The following UNC13A variants were observed in gnomAD, a reference collection of about 807,000 sequenced individuals.
UNC13A encodes unc-13 homolog A, also known as protein unc-13 homolog A.
Under a neutral mutation model 219.7 loss-of-function variants are expected in UNC13A, and 61 were observed. The ratio of observed to expected loss-of-function variants is 0.28; its 90% CI spans 0.23 to 0.34. The LOEUF (loss-of-function observed/expected upper bound fraction) is 0.34. Among genes scored for constraint, UNC13A ranks in the 10% least tolerant of loss-of-function variants. The pLI, the probability that UNC13A is intolerant of heterozygous loss-of-function variation, is 1.00. For missense variants in UNC13A, 1,476 were observed against 2,270.3 expected, an observed-to-expected ratio of 0.65 and a Z score of 7.11; for synonymous variants, 920 against 884.6, an observed-to-expected ratio of 1.04 and a Z score of -0.71.
intron 1 of UNC13A, among the ~76,000 whole-genome samples, chr19:17,679,922 C>A (rs1358751024): frequency 6.6e-6 from 1 of 152,068 alleles, no homozygotes; most frequent in African/African-American, 2.4e-5. Context: ...AGTGGGGGAC[C>A]GGCTGGAGGG....
At chr19:17,687,309 C>G (rs759934437) in intron 1 of UNC13A, among the ~76,000 whole-genome samples, 4 of 152,116 alleles carry the variant, frequency 2.6e-5, no homozygotes, top group Admixed American at 6.5e-5. Context: ...GCTCCCCCCC[C>G]ACCTCACGTC....
intron 38 of UNC13A, among the ~76,000 whole-genome samples, chr19:17,620,040 G>A (rs1423093): frequency 0.2 from 29,691 of 152,196 alleles, 3,330 homozygotes; most frequent in Non-Finnish European, 0.26. Flanking sequence ...CAATGCTAAG[G>A]GAGACGGGGT....
chr19:17,643,827 C>A (rs545250312), intron 19 of UNC13A, among the ~76,000 whole-genome samples: 58 of 152,238 alleles, frequency 3.8e-4, no homozygotes, highest in African/African-American at 1.4e-3. Flanking sequence ...CCAGTCTGAG[C>A]TCCCAGGCCC....
chr19:17,668,416 T>C (rs1185044686), intron 5 of UNC13A, among the ~76,000 whole-genome samples: 1 of 152,150 alleles, frequency 6.6e-6, no homozygotes. Context: ...GGAGAATAGT[T>C]GGAGGATGAC....
chr19:17,616,598 TGA>T, intron 41 of UNC13A: 2 of 498,306 alleles, frequency 4.0e-6, no homozygotes, highest in Non-Finnish European at 7.2e-6. Flanking sequence ...GGACGGCGAG[TGA>T]GAGGGAGGAA....
At chr19:17,628,988 G>A (rs1188417840) in intron 31 of UNC13A, among the ~76,000 whole-genome samples, 1 of 151,890 alleles carries the variant, frequency 6.6e-6, no homozygotes, top group African/African-American at 2.4e-5. Context: ...CACACGCAGA[G>A]TATACCAGTC....
chr19:17,634,839 C>T (rs1355307353), intron 26 of UNC13A, among the ~76,000 whole-genome samples: 1 of 152,010 alleles, frequency 6.6e-6, no homozygotes, highest in Non-Finnish European at 1.5e-5. Context: ...GGATTACAGA[C>T]GTGTACCACC....
In UNC13A at chr19:17,652,628, T is replaced by C. The variant is rs749518134; in HGVS notation, c.1439+3A>G. The C allele has an allele frequency of 1.2e-6, 2 of 1,613,770 alleles. No homozygotes were observed. Among genetic ancestry groups the C allele is most frequent in the Non-Finnish European group, 8.5e-7 (1 of 1,179,818 alleles). On this transcript the variant is annotated splice_donor_region_variant and intron_variant, in intron 12 of 43. Transcript: ENST00000519716. ...TCCCACCGCTCACAGTTTCATTACTTACCCGCCTTTGAACCATAGGGATTT... is the reference window on the plus strand; with the variant it reads ...TCCCACCGCTCACAGTTTCATTACTCACCCGCCTTTGAACCATAGGGATTT...
At position 17,646,115 on chromosome 19, in the gene UNC13A, G is replaced by A. The variant is rs368233582; in HGVS notation, c.2045-4C>T. The A allele has an allele frequency of 2.0e-5, 33 of 1,613,502 alleles. No homozygotes were observed. The highest frequency in any genetic ancestry group is 1.7e-4 in the Middle Eastern group (1 of 5,880). On this transcript the variant is annotated splice_region_variant and splice_polypyrimidine_tract_variant and intron_variant, in intron 17 of 43. Coordinates refer to ENST00000519716, the MANE Select transcript of UNC13A (RefSeq NM_001080421.3). The stretch of plus-strand genomic sequence containing the variant: ...TGCAAGCCCTGGGCGCAGACCACTG[G>A]AAGACACAGAGGGCATACACAGGTG...
intron 11 of UNC13A, 61 bp downstream of exon 11, chr19:17,655,213 G>C (rs2079426825): frequency 1.5e-6 from 2 of 1,370,752 alleles, no homozygotes; most frequent in African/African-American, 1.4e-5. Context: ...ACATGTGTGG[G>C]CCTGCCATTG....
At position 17,603,962 on chromosome 19, in the gene UNC13A, C is replaced by G. The variant is rs760081818; in HGVS notation, c.*2092G>C. The G allele has an allele frequency of 1.3e-5, 2 of 152,196 alleles. No homozygotes were observed. The highest frequency in any genetic ancestry group is 2.4e-5 in the African/African-American group (1 of 41,414). 9.4% of individuals were successfully genotyped at this position (152,196 alleles called of 1,614,324 possible). A position where few individuals can be genotyped will look rare whatever the true frequency, so the allele number is the denominator to read the frequency against. On this transcript the variant is annotated 3_prime_UTR_variant, in exon 44 of 44. Coordinates refer to ENST00000519716, the MANE Select transcript of UNC13A (RefSeq NM_001080421.3). ...GAGTAGCTGGGACTACAGGCATGCA[C>G]CACTGCACCCAGCTAATTTTTGTAT...
chr19:17,620,582 G>A, intron 38 of UNC13A, 111 bp downstream of exon 38: 3 of 1,010,958 alleles, frequency 3.0e-6, no homozygotes, highest in Non-Finnish European at 4.3e-6. Context: ...CAACAGACAG[G>A]TTCACAGTAC....
At chr19:17,607,263 ATTTATT>A (rs1013980465) in intron 43 of UNC13A, among the ~76,000 whole-genome samples, 1 of 151,470 alleles carries the variant, frequency 6.6e-6, no homozygotes, top group African/African-American at 2.4e-5. Context: ...ATTTATTTTT[ATTTATT>A]TTTATTTTTT....
In UNC13A at chr19:17,656,176, G is replaced by T. The variant is rs1338163914; in HGVS notation, c.990C>A (p.Asp330Glu). 1 of 1,552,172 alleles carries T rather than the reference G, an allele frequency of 6.4e-7. No individual in the cohort carries two copies. Among genetic ancestry groups the T allele is most frequent in the Non-Finnish European group, 8.7e-7 (1 of 1,147,082 alleles). ...CAGGCAGCTCCTCCTCCTCCAGGAA[G>T]TCCTCCAGGTCCTCCTCCAGCTCTT... Reference protein sequence around the residue: ...DEEELEEDLEDFLEEEELPED... With the variant: ...DEEELEEDLEEFLEEEELPED... The change falls in exon 10 of 44, where the codon GAC becomes GAA. Residue 330 changes from aspartate to glutamate, a missense_variant. Physicochemically the swap from Asp to Glu is conservative, Grantham distance 45. Coordinates refer to ENST00000519716, the MANE Select transcript of UNC13A (RefSeq NM_001080421.3).
chr19:17,630,504 T>C (rs1470849991), intron 29 of UNC13A, 150 bp downstream of exon 29: 5 of 1,128,890 alleles, frequency 4.4e-6, no homozygotes, highest in Middle Eastern at 2.1e-4. Flanking sequence ...CATTTTGTAG[T>C]TGATGAATGA....
At chr19:17,641,361 CTT>C (rs769256152) in intron 21 of UNC13A, 30 bp downstream of exon 21, 5 of 1,607,510 alleles carry the variant, frequency 3.1e-6, no homozygotes, top group African/African-American at 1.3e-5. Context: ...TGACCTCCCT[CTT>C]GTTTCCTGCA....
intron 8 of UNC13A, among the ~76,000 whole-genome samples, chr19:17,658,673 G>A (rs1248881642): frequency 6.6e-6 from 1 of 152,188 alleles, no homozygotes; most frequent in Admixed American, 6.5e-5. Flanking sequence ...GGGGAAGTTG[G>A]AAGAAGATCA....
chr19:17,681,485 G>T (rs1217529515), intron 1 of UNC13A, among the ~76,000 whole-genome samples: 1 of 152,154 alleles, frequency 6.6e-6, no homozygotes, highest in Non-Finnish European at 1.5e-5. Flanking sequence ...GCATCTGGGA[G>T]ACACTAAATG....
intron 12 of UNC13A, among the ~76,000 whole-genome samples, chr19:17,651,252 T>TTA (rs71162165): frequency 3.4e-5 from 5 of 149,136 alleles, no homozygotes; most frequent in Admixed American, 1.3e-4. Context: ...CATAGCTAAT[T>TTA]AAAAAAAAAT....
Sources: gnomAD v4.1 joint callset for allele counts (sites outside exome capture counted in the v4.1 genomes callset) on GRCh38, gnomAD v4.1.1 for gene constraint, MANE v1.5 for transcripts, NCBI Gene and HGNC (gene_info 2026-07-23, HGNC 2026-07-21) for gene names.